Variants in NFIX observed in about 807,000 individuals in gnomAD.
NFIX encodes nuclear factor I X.
NFIX carries 2 observed loss-of-function variants against 53.3 expected under a neutral mutation model. That is an observed-to-expected ratio of 0.04 (90% CI 0.02 to 0.12). The LOEUF is 0.12. Among genes scored for constraint, NFIX ranks in the 10% least tolerant of loss-of-function variants. NFIX has a pLI of 1.00. For synonymous variants in NFIX, 244 were observed against 289.0 expected (o/e 0.84, Z 1.58); for missense variants, 310 against 674.5 (o/e 0.46, Z 5.99).
chr19:13,003,579 A>C (rs201324132), intron 1 of NFIX, among the ~76,000 whole-genome samples: 43 of 151,964 alleles, frequency 2.8e-4, no homozygotes, highest in Admixed American at 2.0e-3. Flanking sequence ...AAAACACCCC[A>C]CACACTCCCT....
In NFIX at chr19:13,021,085, T is replaced by A. The variant is rs1599730778; in HGVS notation, c.28-3936T>A. Among the ~76,000 whole-genome samples, 1 of 152,134 alleles carries A rather than the reference T, an allele frequency of 6.6e-6. No individual in the cohort carries two copies. The highest frequency in any genetic ancestry group is 2.4e-5 in the African/African-American group (1 of 41,430). On this transcript the variant is annotated intron_variant, in intron 1 of 10. Transcript: ENST00000592199. This position sits in a 1 kb window ranked among gnomAD's most constrained non-coding sequence, Gnocchi z 4.2. ...ACCTCCATGCCAAATATAAACTCAC[T>A]TGTAGTTTTTAATGACCTCATCTTG...
At position 13,027,519 on chromosome 19, in the gene NFIX, C is replaced by A. The variant is rs1460473736; in HGVS notation, c.559+1967C>A. ...GATTCTGCACCTTCCAATTTTAGAA[C>A]CAGGGGCTCGAGAGCATCTAAGATG... On this transcript the variant is annotated intron_variant, in intron 2 of 10. Transcript: ENST00000592199. This position sits in a 1 kb window ranked among gnomAD's most constrained non-coding sequence, Gnocchi z 4.3. Among the ~76,000 whole-genome samples the A allele has an allele frequency of 6.6e-6, 1 of 152,112 alleles. No individual in the cohort carries two copies. The highest frequency in any genetic ancestry group is 1.9e-4 in the East Asian group (1 of 5,188).
chr19:13,010,433 C>T (rs2012276775), intron 1 of NFIX, among the ~76,000 whole-genome samples: 1 of 152,266 alleles, frequency 6.6e-6, no homozygotes, highest in South Asian at 2.1e-4. Flanking sequence ...TATAGTTGCT[C>T]CCACCTGGGT....
Position 13,078,558 on chromosome 19 carries a change from C to A in NFIX, c.956-55C>A, listed in dbSNP as rs1032672755. ...CGAGCTGCTGGCTTCCCGCCTTCCCCGCACCCACCCCAGCCCAGCTAAACC... is the reference window on the plus strand; with the variant it reads ...CGAGCTGCTGGCTTCCCGCCTTCCCAGCACCCACCCCAGCCCAGCTAAACC... On this transcript the variant is annotated intron_variant, in intron 6 of 10. Coordinates refer to ENST00000592199, the MANE Select transcript of NFIX (RefSeq NM_001365902.3). This position sits in a 1 kb window ranked among gnomAD's most constrained non-coding sequence, Gnocchi z 4.7. 6.4e-7 allele frequency: 1 copy of A among 1,554,854 alleles called. No individual in the cohort carries two copies. The highest frequency in any genetic ancestry group is 8.7e-7 in the Non-Finnish European group (1 of 1,147,020).
intron 2 of NFIX, among the ~76,000 whole-genome samples, chr19:13,063,481 TG>T (rs1401547648): frequency 1.5e-5 from 2 of 135,582 alleles, no homozygotes; most frequent in Non-Finnish European, 1.6e-5. Context: ...TTCCTCTTTC[TG>T]TTTTTTTTTT....
chr19:13,077,300 G>T (rs2017167806), intron 6 of NFIX, among the ~76,000 whole-genome samples: 1 of 152,132 alleles, frequency 6.6e-6, no homozygotes, highest in Non-Finnish European at 1.5e-5. Context: ...GCTCCTTCCG[G>T]CAGTCCTGCC....
At chr19:13,029,032 C>T (rs1216057072) in intron 2 of NFIX, among the ~76,000 whole-genome samples, 1 of 152,202 alleles carries the variant, frequency 6.6e-6, no homozygotes, top group Admixed American at 6.5e-5. Context: ...GCAGCGGAAT[C>T]CCCACGAAGT....
Position 13,073,745 on chromosome 19 carries a change from G to A in NFIX, c.698-161G>A, listed in dbSNP as rs1201136804. On this transcript the variant is annotated intron_variant, in intron 4 of 10. Transcript: ENST00000592199. This position sits in a 1 kb window ranked among gnomAD's most constrained non-coding sequence, Gnocchi z 4.5. ...AAGGCTCTTCTGTGACCCACTAGCTGGGAGGAGGTTCCTCAGCAGCCCAGA... is the reference window on the plus strand; with the variant it reads ...AAGGCTCTTCTGTGACCCACTAGCTAGGAGGAGGTTCCTCAGCAGCCCAGA... Among the ~76,000 whole-genome samples the A allele has an allele frequency of 6.6e-6, 1 of 152,128 alleles. No homozygotes were observed. The highest frequency in any genetic ancestry group is 1.5e-5 in the Non-Finnish European group (1 of 68,006).
At chr19:13,024,494 T>C in intron 1 of NFIX, 1 of 1,497,244 alleles carries the variant, frequency 6.7e-7, no homozygotes, top group Non-Finnish European at 8.9e-7. Context: ...ATTTTCTGTC[T>C]TCTTGGGGGC....
Position 13,045,539 on chromosome 19 carries a change from A to C in NFIX, c.559+19987A>C, listed in dbSNP as rs2145290340. Among the ~76,000 whole-genome samples, 2 of 152,236 alleles carry C rather than the reference A, an allele frequency of 1.3e-5. No homozygotes were observed. Among genetic ancestry groups the C allele is most frequent in the Middle Eastern group, 6.8e-3 (2 of 294 alleles). On this transcript the variant is annotated intron_variant, in intron 2 of 10. Transcript: ENST00000592199. The surrounding 1 kb of genome is among the most constrained non-coding windows in gnomAD (Gnocchi z 4.4). Reference sequence around the variant, plus strand: ...AACCCTGACTGAGGCCAAGGAAAGGAACGGCAGCAGGGCAAGCCAGGCCCA... The same window carrying C: ...AACCCTGACTGAGGCCAAGGAAAGGCACGGCAGCAGGGCAAGCCAGGCCCA...
Position 13,073,129 on chromosome 19 carries a change from C to G in NFIX, c.622+20C>G. 3 of 1,613,304 alleles carry G rather than the reference C, an allele frequency of 1.9e-6. No individual in the cohort carries two copies. Among genetic ancestry groups the G allele is most frequent in the Non-Finnish European group, 2.5e-6 (3 of 1,179,278 alleles). On this transcript the variant is annotated intron_variant, in intron 3 of 10. Transcript: ENST00000592199. The surrounding 1 kb of genome is among the most constrained non-coding windows in gnomAD (Gnocchi z 4.5). ...CCAACGGTCAGTGCCCCCCACCTGC[C>G]CAGCTGCCCTTATCCTTCATGCCCC...
intron 2 of NFIX, among the ~76,000 whole-genome samples, chr19:13,031,147 C>T (rs2013771177): frequency 6.6e-6 from 1 of 152,218 alleles, no homozygotes; most frequent in Non-Finnish European, 1.5e-5. Flanking sequence ...GCTCTTGTCC[C>T]TTTTGTTCAT....
In NFIX at chr19:13,094,595, C is replaced by T. The variant is rs141262142; in HGVS notation, c.1495-40C>T. 325 of 1,535,592 alleles carry T rather than the reference C, an allele frequency of 2.1e-4. 3 individuals are homozygous for T. In the East Asian group the frequency reaches 7.6e-3, roughly 36 times the overall value. ...GGTAGGAGTGAGATGGGACCTGCCC[C>T]AGCTGTTCTCAGTATCGCCTCTTTT... is the stretch of plus-strand genomic sequence containing the variant. On this transcript the variant is annotated intron_variant, in intron 10 of 10. Coordinates refer to ENST00000592199, the MANE Select transcript of NFIX (RefSeq NM_001365902.3). The surrounding 1 kb of genome is among the most constrained non-coding windows in gnomAD (Gnocchi z 4.3).
intron 1 of NFIX, among the ~76,000 whole-genome samples, chr19:12,997,065 G>C (rs534667812): frequency 6.6e-6 from 1 of 152,324 alleles, no homozygotes; most frequent in Admixed American, 6.5e-5. Context: ...GGTTCTCTAG[G>C]CCAGGCCCTA....
rs2012433104 is a variant in NFIX at position 13,012,776 on chromosome 19, C to T, written c.28-12245C>T. ...TAACTGCCCCCAAATCCGAGGACAG[C>T]TTGGGGGCGTCCCTTCGGAGAGGAT... On this transcript the variant is annotated intron_variant, in intron 1 of 10. Coordinates refer to ENST00000592199, the MANE Select transcript of NFIX (RefSeq NM_001365902.3). This position sits in a 1 kb window ranked among gnomAD's most constrained non-coding sequence, Gnocchi z 5.0. Among the ~76,000 whole-genome samples, 2 of 152,190 alleles carry T rather than the reference C, an allele frequency of 1.3e-5. No individual in the cohort carries two copies. Among genetic ancestry groups the T allele is most frequent in the Non-Finnish European group, 1.5e-5 (1 of 68,040 alleles).
In NFIX at chr19:13,090,367, C is replaced by T; in HGVS notation, c.1471C>T (p.Leu491=). ...VSIGPRDGNF[L]NIPQQSQSWF... is the part of the protein sequence containing the mutation. The stretch of plus-strand genomic sequence containing the variant: ...CATCGGACCCCGGGACGGCAACTTT[C>T]TGAACATCCCACAGCAGTCTCAGGT... The change falls in exon 10 of 11, where the codon CTG becomes TTG. Residue 491 remains leucine, a synonymous_variant. Transcript: ENST00000592199. This position sits in a 1 kb window ranked among gnomAD's most constrained non-coding sequence, Gnocchi z 6.6. 1 of 1,613,956 alleles carries T rather than the reference C, an allele frequency of 6.2e-7. No individual in the cohort carries two copies. Among genetic ancestry groups the T allele is most frequent in the Non-Finnish European group, 8.5e-7 (1 of 1,179,882 alleles).
At chr19:13,048,227 T>C (rs2015109774) in intron 2 of NFIX, among the ~76,000 whole-genome samples, 1 of 152,206 alleles carries the variant, frequency 6.6e-6, no homozygotes, top group Non-Finnish European at 1.5e-5. Flanking sequence ...CCTTGTGAAC[T>C]CTAAACTCTT....
intron 1 of NFIX, among the ~76,000 whole-genome samples, chr19:13,000,511 G>A (rs2011638344): frequency 6.6e-6 from 1 of 151,264 alleles, no homozygotes; most frequent in South Asian, 2.1e-4. Flanking sequence ...TGTAGGCCAA[G>A]CAGAGGGTGG....
intron 2 of NFIX, among the ~76,000 whole-genome samples, chr19:13,030,388 C>T (rs565899314): frequency 4.0e-4 from 61 of 152,306 alleles, no homozygotes; most frequent in Non-Finnish European, 6.6e-4. Flanking sequence ...ACGGCAGCTG[C>T]TGTGATTGAG....
Sources: gnomAD v4.1 joint callset for allele counts (sites outside exome capture counted in the v4.1 genomes callset) on GRCh38, gnomAD v4.1.1 for gene constraint, Gnocchi (gnomAD v3.1) non-coding constraint, MANE v1.5 for transcripts, NCBI Gene and HGNC (gene_info 2026-07-23, HGNC 2026-07-21) for gene names.